The following FHIT variants were observed in gnomAD, a reference collection of about 807,000 sequenced individuals.
The protein encoded by FHIT is fragile histidine triad diadenosine triphosphatase.
A neutral mutation model predicts 17.9 loss-of-function variants in FHIT; 19 were observed. That is an observed-to-expected ratio of 1.06 (90% CI 0.74 to 1.56). FHIT has a LOEUF of 1.56. Among genes scored for constraint, FHIT ranks in the 40% most tolerant of loss-of-function variants. FHIT has a pLI of 0.00. For synonymous variants in FHIT, 81 were observed against 69.7 expected, an observed-to-expected ratio of 1.16 and a Z score of -0.81; for missense variants, 248 against 189.2, an observed-to-expected ratio of 1.31 and a Z score of -1.82.
At chr3:61,189,155 C>T (rs181374954) in intron 2 of FHIT, among the ~76,000 whole-genome samples, 9 of 152,170 alleles carry the variant, frequency 5.9e-5, no homozygotes, top group South Asian at 2.1e-4. Flanking sequence ...CCCTGTTTGC[C>T]GATGACATGA....
chr3:60,010,251 G>A (rs954670774), intron 7 of FHIT, among the ~76,000 whole-genome samples: 16 of 152,196 alleles, frequency 1.1e-4, no homozygotes, highest in Non-Finnish European at 2.1e-4. Flanking sequence ...TCACATGGAG[G>A]TGAGACAGTG....
intron 3 of FHIT, among the ~76,000 whole-genome samples, chr3:60,854,793 C>T (rs1703309897): frequency 6.6e-6 from 1 of 152,118 alleles, no homozygotes; most frequent in African/African-American, 2.4e-5. Flanking sequence ...TCTTTCCTAA[C>T]TGTAAGAGAG....
chr3:59,926,063 A>G (rs1369639864), intron 7 of FHIT, among the ~76,000 whole-genome samples: 1 of 152,248 alleles, frequency 6.6e-6, no homozygotes, highest in Non-Finnish European at 1.5e-5. Flanking sequence ...TAGGGGTTGC[A>G]GTTGAGCTGC....
chr3:60,849,814 G>A (rs1575595681), intron 3 of FHIT, among the ~76,000 whole-genome samples: 1 of 151,830 alleles, frequency 6.6e-6, no homozygotes, highest in African/African-American at 2.4e-5. Flanking sequence ...GTCTCTCCAA[G>A]GAGCAATTCC....
At chr3:59,764,786 A>G (rs1701706498) in intron 8 of FHIT, among the ~76,000 whole-genome samples, 1 of 151,982 alleles carries the variant, frequency 6.6e-6, no homozygotes, top group Non-Finnish European at 1.5e-5. Flanking sequence ...TATGAGTTCA[A>G]CTGTTCATTT....
intron 3 of FHIT, among the ~76,000 whole-genome samples, chr3:60,965,842 G>A (rs1443376075): frequency 3.3e-5 from 5 of 152,084 alleles, no homozygotes; most frequent in African/African-American, 9.7e-5. Context: ...GGTGTCAGTC[G>A]GCCCCTACTG....
chr3:60,988,946 T>TAAAAAAAAAAAAAA (rs535898632), intron 3 of FHIT, among the ~76,000 whole-genome samples: 1 of 34,324 alleles, frequency 2.9e-5, no homozygotes, highest in Non-Finnish European at 4.9e-5. Context: ...ATGGCTTTGT[T>TAAAAAAAAAAAAAA]AAAAAAAAAA....
At chr3:60,230,831 C>A in intron 5 of FHIT, among the ~76,000 whole-genome samples, 1 of 152,172 alleles carries the variant, frequency 6.6e-6, no homozygotes, top group East Asian at 1.9e-4. Flanking sequence ...CTGCCTGAGC[C>A]TCCTAAGTAG....
At chr3:60,413,063 A>G (rs986806881) in intron 5 of FHIT, among the ~76,000 whole-genome samples, 1 of 152,142 alleles carries the variant, frequency 6.6e-6, no homozygotes, top group African/African-American at 2.4e-5. Flanking sequence ...TCTTCATAGC[A>G]GTGTGAAAAT....
chr3:59,807,040 G>A (rs1401207111), intron 8 of FHIT, among the ~76,000 whole-genome samples: 1 of 152,128 alleles, frequency 6.6e-6, no homozygotes, highest in African/African-American at 2.4e-5. Flanking sequence ...GGGCTAGTAT[G>A]GGACTCTGGC....
At chr3:60,551,113 G>A (rs2036531665) in intron 4 of FHIT, among the ~76,000 whole-genome samples, 1 of 152,082 alleles carries the variant, frequency 6.6e-6, no homozygotes, top group South Asian at 2.1e-4. Context: ...ATGATCTCAA[G>A]ATCTTAGAGG....
chr3:60,172,510 A>C (rs1363707515), intron 5 of FHIT, among the ~76,000 whole-genome samples: 1 of 151,706 alleles, frequency 6.6e-6, no homozygotes, highest in Non-Finnish European at 1.5e-5. Context: ...TCCCAACCTC[A>C]GGTGATCCGC....
chr3:60,102,715 A>G (rs945188395), intron 5 of FHIT, among the ~76,000 whole-genome samples: 6 of 152,314 alleles, frequency 3.9e-5, no homozygotes, highest in South Asian at 2.1e-4. Flanking sequence ...GCAAAGCTTC[A>G]TATCTTTTTA....
At chr3:59,796,977 C>A (rs1699802433) in intron 8 of FHIT, among the ~76,000 whole-genome samples, 1 of 152,148 alleles carries the variant, frequency 6.6e-6, no homozygotes, top group Non-Finnish European at 1.5e-5. Context: ...TTCCTTTGCA[C>A]TCTAAAAATT....
chr3:59,906,212 C>T (rs1170547862), intron 8 of FHIT, among the ~76,000 whole-genome samples: 2 of 152,158 alleles, frequency 1.3e-5, no homozygotes, highest in Admixed American at 1.3e-4. Flanking sequence ...GACACCATAG[C>T]CCCAAGGACA....
intron 2 of FHIT, among the ~76,000 whole-genome samples, chr3:61,190,748 G>T (rs2038688118): frequency 6.6e-6 from 1 of 152,118 alleles, no homozygotes. Context: ...ATACTATGCA[G>T]CCATAAAAAA....
intron 5 of FHIT, among the ~76,000 whole-genome samples, chr3:60,478,150 C>T (rs904667528): frequency 3.9e-5 from 6 of 152,194 alleles, no homozygotes; most frequent in Admixed American, 2.0e-4. Context: ...TATTTCACTA[C>T]CAAACATAAT....
chr3:60,740,153 T>C (rs2042213085), intron 4 of FHIT, among the ~76,000 whole-genome samples: 1 of 152,202 alleles, frequency 6.6e-6, no homozygotes, highest in Admixed American at 6.5e-5. Flanking sequence ...TTTTGACTCA[T>C]TTTAGATGTT....
intron 7 of FHIT, among the ~76,000 whole-genome samples, chr3:59,986,961 G>C (rs1368723725): frequency 8.3e-6 from 1 of 120,276 alleles, no homozygotes; most frequent in Non-Finnish European, 1.6e-5. Flanking sequence ...ATGTATATAT[G>C]TATAGGATTT....
Sources: gnomAD v4.1 joint callset for allele counts (sites outside exome capture counted in the v4.1 genomes callset) on GRCh38, gnomAD v4.1.1 for gene constraint, MANE v1.5 for transcripts, NCBI Gene and HGNC (gene_info 2026-07-23, HGNC 2026-07-21) for gene names.